Variants in NOL6 observed in about 807,000 individuals in gnomAD.
NOL6 encodes the protein nucleolar RNA-associated protein.
A neutral mutation model predicts 131.7 loss-of-function variants in NOL6; 33 were observed. The ratio of observed to expected loss-of-function variants is 0.25; its 90% CI spans 0.19 to 0.33. The LOEUF is 0.33. NOL6 is among the 10% of genes least tolerant of loss of function. The probability of loss-of-function intolerance (pLI) is 1.00; values close to 1 mark genes in which losing one functional copy is unlikely to be tolerated. For synonymous variants in NOL6, 580 were observed against 605.7 expected (o/e 0.96, Z 0.62); for missense variants, 1,297 against 1,494.5 (o/e 0.87, Z 2.18).
At position 33,468,336 on chromosome 9, in the gene NOL6, G is replaced by A. The variant is rs1361891082; in HGVS notation, c.1293C>T (p.Ala431=). 6.2e-7 allele frequency: 1 copy of A among 1,614,002 alleles called. No individual in the cohort carries two copies. Among genetic ancestry groups the A allele is most frequent in the South Asian group, 1.1e-5 (1 of 91,056 alleles). Reference sequence around the variant, plus strand: ...CCATTGGTACCTGGTGGTAAGTAGAGGCAGTGACATCAGCACAGAGGTTGA... The same window carrying A: ...CCATTGGTACCTGGTGGTAAGTAGAAGCAGTGACATCAGCACAGAGGTTGA... The part of the protein sequence containing the change: ...GHLNLCADVT[A]STYHQVQHEA... The change falls in exon 10 of 26, where the codon GCC becomes GCT. Residue 431 remains alanine, a synonymous_variant. Transcript: ENST00000297990.
In NOL6 at chr9:33,462,661, G is replaced by A; in HGVS notation, c.*3C>T. 1 of 1,613,996 alleles carries A rather than the reference G, an allele frequency of 6.2e-7. No homozygotes were observed. The highest frequency in any genetic ancestry group is 8.5e-7 in the Non-Finnish European group (1 of 1,179,968). On this transcript the variant is annotated 3_prime_UTR_variant, in exon 26 of 26. Transcript: ENST00000297990. ...CCGTCTACAGCTTGCTCCAGAGCTG[G>A]GATCACACAGTCCACCTCTCACTTC...
intron 3 of NOL6, among the ~76,000 whole-genome samples, chr9:33,470,920 C>G (rs1178325120): frequency 6.6e-6 from 1 of 151,990 alleles, no homozygotes; most frequent in Non-Finnish European, 1.5e-5. Flanking sequence ...CTCGATTCTA[C>G]TTTTGACACA....
Position 33,467,914 on chromosome 9 carries a change from C to T in NOL6, c.1425-46G>A. On this transcript the variant is annotated intron_variant, in intron 11 of 25. Coordinates refer to ENST00000297990, the MANE Select transcript of NOL6 (RefSeq NM_022917.5). The surrounding 1 kb of genome is among the most constrained non-coding windows in gnomAD (Gnocchi z 4.4). ...AAAGAGGGGTAATCAGGTTGCTGGCCCCTAGTACCACCTCCTCCCTGAATG... is the reference window on the plus strand; with the variant it reads ...AAAGAGGGGTAATCAGGTTGCTGGCTCCTAGTACCACCTCCTCCCTGAATG... 4 of 1,586,178 alleles carry T rather than the reference C, an allele frequency of 2.5e-6. No individual in the cohort carries two copies. The highest frequency in any genetic ancestry group is 1.1e-5 in the South Asian group (1 of 87,220).
In NOL6 at chr9:33,462,828, G is replaced by T. The variant is rs373517889; in HGVS notation, c.3292-15C>A. The T allele has an allele frequency of 1.9e-6, 3 of 1,613,806 alleles. No homozygotes were observed. Among genetic ancestry groups the T allele is most frequent in the Non-Finnish European group, 2.5e-6 (3 of 1,179,864 alleles). ...GTGCTGGAGGCCTGGGGAAATCAGAGAAGAGATGTGGGTTGAGTGTCACAG... is the reference window on the plus strand; with the variant it reads ...GTGCTGGAGGCCTGGGGAAATCAGATAAGAGATGTGGGTTGAGTGTCACAG... On this transcript the variant is annotated splice_polypyrimidine_tract_variant and intron_variant, in intron 25 of 25. Transcript: ENST00000297990.
chr9:33,463,314 G>C lies in NOL6; in HGVS notation c.3122C>G (p.Pro1041Arg), dbSNP rs114080864. ...CACGGGCATCAGGGATGAGGGCCCCGGCTGGCTGAGCAGGCCCCGGCAGAA... is the reference window on the plus strand; with the variant it reads ...CACGGGCATCAGGGATGAGGGCCCCCGCTGGCTGAGCAGGCCCCGGCAGAA... The part of the protein sequence containing the change: ...ASFCRGLLSQ[P>R]GPSSLMPVLG... The change falls in exon 24 of 26, where the codon CCG becomes CGG. Residue 1041 changes from proline to arginine, a missense_variant. Coordinates refer to ENST00000297990, the MANE Select transcript of NOL6 (RefSeq NM_022917.5). 1.2e-6 allele frequency: 2 copies of C among 1,614,106 alleles called. No homozygotes were observed. Among genetic ancestry groups the C allele is most frequent in the Non-Finnish European group, 8.5e-7 (1 of 1,179,994 alleles).
Position 33,463,974 on chromosome 9 carries a change from G to A in NOL6, c.2905-54C>T, listed in dbSNP as rs373151144. ...ACTGAAGTGGGTCTCTCCCAGGTCA[G>A]GCTGGGCCTGCTTTTTCCTTGGGAA... is the stretch of plus-strand genomic sequence containing the variant. On this transcript the variant is annotated intron_variant, in intron 22 of 25. Coordinates refer to ENST00000297990, the MANE Select transcript of NOL6 (RefSeq NM_022917.5). 8 of 1,613,226 alleles carry A rather than the reference G, an allele frequency of 5.0e-6. No homozygotes were observed. The African/African-American group carries it at 5.3e-5, about 11-fold the overall frequency.
At position 33,461,790 on chromosome 9, in the gene NOL6, G is replaced by A. The variant is rs115524004; in HGVS notation, c.*874C>T. The A allele has an allele frequency of 1.5e-3, 293 of 197,056 alleles. 1 individual carries two copies. Among genetic ancestry groups the A allele is most frequent in the African/African-American group, 6.0e-3 (260 of 43,598 alleles). 12.2% of individuals were successfully genotyped at this position (197,056 alleles called of 1,614,324 possible). A position where few individuals can be genotyped will look rare whatever the true frequency, so the allele number is the denominator to read the frequency against. ...CAGCCAGAATTACAGGAAGCAGAGA[G>A]GCTACCAGAAAGTGGGTGTAGACCA... On this transcript the variant is annotated 3_prime_UTR_variant, in exon 26 of 26. Transcript: ENST00000297990.
rs772791279 is a variant in NOL6 at position 33,467,993 on chromosome 9, AG to A, written c.1424+36del. 7 of 1,613,920 alleles carry A rather than the reference AG, an allele frequency of 4.3e-6. No individual in the cohort carries two copies. The highest frequency in any genetic ancestry group is 8.5e-7 in the Non-Finnish European group (1 of 1,179,894). ...CCCACCACTGTAGCCCCGAAGAGAC[AG>A]GACCCGCCAACATACCCTGTCACCC... is the stretch of plus-strand genomic sequence containing the variant. On this transcript the variant is annotated intron_variant, in intron 11 of 25. Coordinates refer to ENST00000297990, the MANE Select transcript of NOL6 (RefSeq NM_022917.5). The surrounding 1 kb of genome is among the most constrained non-coding windows in gnomAD (Gnocchi z 4.4).
At position 33,465,277 on chromosome 9, in the gene NOL6, A is replaced by C. The variant is rs759913066; in HGVS notation, c.2611T>G (p.Phe871Val). ...ACCAGATCCAGGCTCTCATCAGCGA[A>C]ACCCTCACCAAGAAGCTGGGCACGC... ...WVRAQLLGEGFADESLDLVAA... is the reference protein window; with the variant it reads ...WVRAQLLGEGVADESLDLVAA... The change falls in exon 20 of 26, where the codon TTC (phenylalanine) becomes GTC (valine). Residue 871 changes from phenylalanine (F) to valine (V), a missense_variant. Physicochemically the swap from Phe to Val is conservative, Grantham distance 50. Coordinates refer to ENST00000297990, the MANE Select transcript of NOL6 (RefSeq NM_022917.5). The C allele has an allele frequency of 1.9e-6, 3 of 1,596,126 alleles. No individual in the cohort carries two copies. Among genetic ancestry groups the C allele is most frequent in the Non-Finnish European group, 2.6e-6 (3 of 1,170,906 alleles).
In NOL6 at chr9:33,466,116, A is replaced by G; in HGVS notation, c.2319T>C (p.His773=). The G allele has an allele frequency of 6.2e-7, 1 of 1,612,208 alleles. No homozygotes were observed. The highest frequency in any genetic ancestry group is 8.5e-7 in the Non-Finnish European group (1 of 1,178,914). ...LRLAELLTQQ[H]GLQCRATATH... is the part of the protein sequence containing the mutation. Reference sequence around the variant, plus strand: ...TGGCAGTGGCACGGCACTGCAGACCATGCTGTTGTGTCAACAGCTCTGCCA... The same window carrying G: ...TGGCAGTGGCACGGCACTGCAGACCGTGCTGTTGTGTCAACAGCTCTGCCA... The change falls in exon 18 of 26, where the codon CAT becomes CAC. Residue 773 remains histidine, a synonymous_variant. Transcript: ENST00000297990.
In NOL6 at chr9:33,473,771, C is replaced by T; in HGVS notation, c.54+18G>A. 1 of 1,611,770 alleles carries T rather than the reference C, an allele frequency of 6.2e-7. No individual in the cohort carries two copies. The highest frequency in any genetic ancestry group is 8.5e-7 in the Non-Finnish European group (1 of 1,179,908). ...AGCGCACATTGAGCCTCTGTTCCTCCCCGATGGCTCAACCCACCTCTGGCT... is the reference window on the plus strand; with the variant it reads ...AGCGCACATTGAGCCTCTGTTCCTCTCCGATGGCTCAACCCACCTCTGGCT... On this transcript the variant is annotated intron_variant, in intron 1 of 25. Transcript: ENST00000297990.
chr9:33,466,421 A>G lies in NOL6; in HGVS notation c.2096T>C (p.Phe699Ser), dbSNP rs1827245052. ...AHPVLRYTEV[F>S]PPTPVRPAFS... is the part of the protein sequence containing the mutation. The stretch of plus-strand genomic sequence containing the variant: ...GGCTGGACGGACTGGAGTTGGTGGG[A>G]ACACCTGTGGAAGAAGAGGGGCTGA... Residue 699 changes from phenylalanine (F) to serine (S), a missense_variant, in exon 17 of 26, where the codon TTC becomes TCC. Transcript: ENST00000297990. 6.2e-7 allele frequency: 1 copy of G among 1,614,030 alleles called. No homozygotes were observed. The highest frequency in any genetic ancestry group is 1.3e-5 in the African/African-American group (1 of 74,930).
At position 33,469,574 on chromosome 9, in the gene NOL6, G is replaced by C. The variant is rs376817944; in HGVS notation, c.652C>G (p.Pro218Ala). ...AHLAHHLAQD[P>A]LFGSVCFSYT... ...GAGAAGCAAACACTGCCAAAGAGGG[G>C]GTCCTGGGCCAGGTGGTGAGCCAAG... The change falls in exon 5 of 26, where the codon CCC (proline) becomes GCC (alanine). Residue 218 changes from proline (P) to alanine (A), a missense_variant. Transcript: ENST00000297990. 5 of 1,608,486 alleles carry C rather than the reference G, an allele frequency of 3.1e-6. No homozygotes were observed. Among genetic ancestry groups the C allele is most frequent in the Middle Eastern group, 1.7e-4 (1 of 6,030 alleles).
Position 33,472,348 on chromosome 9 carries a change from G to A in NOL6, c.119C>T (p.Thr40Ile). The A allele has an allele frequency of 1.2e-6, 2 of 1,614,220 alleles. No homozygotes were observed. Among genetic ancestry groups the A allele is most frequent in the Non-Finnish European group, 1.7e-6 (2 of 1,180,034 alleles). ...EGKKASSRKR[T>I]LAEPPAKGLL... ...GCCCTTCGCTGGAGGTTCAGCCAAT[G>A]TACGCTTCCTGGAGGATGCTTTCTT... Residue 40 changes from threonine to isoleucine, a missense_variant, in exon 2 of 26, where the codon ACA becomes ATA. By Grantham distance (89) the Thr-to-Ile change is moderately conservative (BLOSUM62 -1). Coordinates refer to ENST00000297990, the MANE Select transcript of NOL6 (RefSeq NM_022917.5).
chr9:33,473,588 G>A (rs1827472661), intron 1 of NOL6, among the ~76,000 whole-genome samples: 2 of 152,150 alleles, frequency 1.3e-5, no homozygotes, highest in South Asian at 2.1e-4. Flanking sequence ...AGGCTCTACC[G>A]GCTTCACTGC....
chr9:33,463,164 A>G, intron 24 of NOL6, 30 bp from the exon 25 acceptor site: 1 of 1,609,036 alleles, frequency 6.2e-7, no homozygotes, highest in African/African-American at 1.3e-5. Context: ...AGAAGATTAT[A>G]GGCAGGCATT....
Position 33,470,058 on chromosome 9 carries a change from C to G in NOL6, c.512G>C (p.Cys171Ser), listed in dbSNP as rs762151928. The change falls in exon 4 of 26, where the codon TGC becomes TCC. Residue 171 changes from cysteine (C) to serine (S), a missense_variant. Cys to Ser is a moderately radical substitution (Grantham distance 112). Transcript: ENST00000297990. The stretch of plus-strand genomic sequence containing the variant: ...ATCCACATTGATGTCTGGTCGGATG[C>G]AGGTGCCCAGAAGGTAGCTGCCCAC... ...TVVGSYLLGT[C>S]IRPDINVDVA... The G allele has an allele frequency of 5.6e-6, 9 of 1,611,394 alleles. No homozygotes were observed. Among genetic ancestry groups the G allele is most frequent in the Non-Finnish European group, 7.6e-6 (9 of 1,178,488 alleles).
chr9:33,466,735 G>A (rs762030036), intron 15 of NOL6, 26 bp from the exon 16 acceptor site: 1 of 1,612,252 alleles, frequency 6.2e-7, no homozygotes, highest in Non-Finnish European at 8.5e-7. Context: ...CGGTCAGGAG[G>A]CTGGACCCTA....
Position 33,463,416 on chromosome 9 carries a change from A to G in NOL6, c.3020T>C (p.Ile1007Thr), listed in dbSNP as rs1827154165. The G allele has an allele frequency of 6.2e-7, 1 of 1,613,606 alleles. No homozygotes were observed. The change falls in exon 24 of 26, where the codon ATT becomes ACT. Residue 1007 changes from isoleucine to threonine, a missense_variant. Coordinates refer to ENST00000297990, the MANE Select transcript of NOL6 (RefSeq NM_022917.5). ...IRTVFRPPLD[I>T]YDVLIRLSPR... is the part of the protein sequence containing the mutation. ...AGACAGGCGAATCAGCACGTCGTAA[A>G]TGTCCAAGGGCGGCCGGAACACTGT...
Sources: gnomAD v4.1 joint callset for allele counts (sites outside exome capture counted in the v4.1 genomes callset) on GRCh38, gnomAD v4.1.1 for gene constraint, Gnocchi (gnomAD v3.1) non-coding constraint, MANE v1.5 for transcripts, NCBI Gene and HGNC (gene_info 2026-07-23, HGNC 2026-07-21) for gene names.